RBFOX1: variants seen among roughly 807,000 people sequenced by gnomAD.
RBFOX1 encodes RNA binding fox-1 homolog 1.
In RBFOX1, 8 loss-of-function variants were observed where a neutral mutation model predicts 57.7. The ratio of observed to expected loss-of-function variants is 0.14; its 90% CI spans 0.08 to 0.25. The LOEUF is 0.25. RBFOX1 is among the 10% of genes least tolerant of loss of function. The pLI, the probability that RBFOX1 is intolerant of heterozygous loss-of-function variation, is 1.00. For missense variants in RBFOX1, 611 were observed against 548.5 expected (o/e 1.11, Z -1.14); for synonymous variants, 326 against 222.4 (o/e 1.47, Z -4.15).
chr16:5,909,080 C>G (rs1364444391), intron 4 of RBFOX1, among the ~76,000 whole-genome samples: 1 of 135,926 alleles, frequency 7.4e-6, no homozygotes, highest in East Asian at 2.3e-4. Flanking sequence ...CTCCAACAGA[C>G]TAAGCCCCCC....
chr16:7,014,364 C>T (rs1003925489), intron 3 of RBFOX1, among the ~76,000 whole-genome samples: 1 of 151,928 alleles, frequency 6.6e-6, no homozygotes, highest in African/African-American at 2.4e-5. Flanking sequence ...AGTCATGCAT[C>T]ACCACGCCTG....
At chr16:6,562,316 A>G (rs575424418) in intron 2 of RBFOX1, among the ~76,000 whole-genome samples, 14 of 152,366 alleles carry the variant, frequency 9.2e-5, no homozygotes, top group Admixed American at 8.5e-4. Context: ...CAGTCATTGT[A>G]CAGATAAGGC....
At chr16:7,587,412 G>A (rs1460752396) in intron 7 of RBFOX1, 112 bp downstream of exon 7, 2 of 1,162,876 alleles carry the variant, frequency 1.7e-6, no homozygotes, top group African/African-American at 1.6e-5. Flanking sequence ...ATACACTTCA[G>A]TGGGAATTCC....
chr16:5,909,620 C>G (rs554140054), intron 4 of RBFOX1, among the ~76,000 whole-genome samples: 14 of 152,268 alleles, frequency 9.2e-5, no homozygotes, highest in Admixed American at 7.2e-4. Context: ...GAGAGCCTAA[C>G]TCTGTAGCCT....
Position 5,379,628 on chromosome 16 carries a change from C to T in RBFOX1, c.220-87588C>T, listed in dbSNP as rs547259093. Among the ~76,000 whole-genome samples, 5 of 152,288 alleles carry T rather than the reference C, an allele frequency of 3.3e-5. No homozygotes were observed. In the East Asian group the frequency reaches 9.7e-4, roughly 29 times the overall value. On this transcript the variant is annotated intron_variant, in intron 1 of 2. Transcript: ENST00000585867. ...TGGTCTTTGGTGAGTAACTTCCTCT[C>T]CATGAGCTCCAGCCACCAAATCTGA...
intron 4 of RBFOX1, among the ~76,000 whole-genome samples, chr16:5,892,606 A>G (rs781466964): frequency 6.9e-4 from 105 of 152,264 alleles, no homozygotes; most frequent in Admixed American, 1.2e-3. Context: ...TTTGTGAAAC[A>G]GTGAATGGTG....
intron 3 of RBFOX1, among the ~76,000 whole-genome samples, chr16:5,653,887 C>T (rs577904378): frequency 5.9e-5 from 9 of 152,280 alleles, no homozygotes; most frequent in South Asian, 4.1e-4. Flanking sequence ...GGGCTGCTCT[C>T]GGCCCCTGAA....
At chr16:6,986,304 G>T (rs573175404) in intron 3 of RBFOX1, among the ~76,000 whole-genome samples, 1 of 151,956 alleles carries the variant, frequency 6.6e-6, no homozygotes, top group African/African-American at 2.4e-5. Flanking sequence ...GGGTTCAAGC[G>T]ACTCTTGCCT....
chr16:6,329,172 A>G (rs1489500015), intron 2 of RBFOX1, among the ~76,000 whole-genome samples: 3 of 152,176 alleles, frequency 2.0e-5, no homozygotes, highest in South Asian at 4.2e-4. Context: ...ACCTGACTCC[A>G]TGAAGTGGAA....
At chr16:6,020,787 C>T (rs145287682) in intron 1 of RBFOX1, among the ~76,000 whole-genome samples, 2 of 152,270 alleles carry the variant, frequency 1.3e-5, no homozygotes, top group African/African-American at 2.4e-5. Context: ...ATCTCCCCAC[C>T]GCCCAGGAGG....
intron 14 of RBFOX1, among the ~76,000 whole-genome samples, chr16:7,683,660 TC>T (rs1473396181): frequency 6.6e-6 from 1 of 152,038 alleles, no homozygotes; most frequent in Non-Finnish European, 1.5e-5. Flanking sequence ...ACTTTTTAGG[TC>T]GCAGATCATT....
At chr16:7,400,812 A>G (rs1468402760) in intron 4 of RBFOX1, among the ~76,000 whole-genome samples, 1 of 152,220 alleles carries the variant, frequency 6.6e-6, no homozygotes, top group Non-Finnish European at 1.5e-5. Flanking sequence ...AGGAGGAGTC[A>G]GTGTCCACAA....
intron 3 of RBFOX1, among the ~76,000 whole-genome samples, chr16:5,634,545 C>G (rs1245663882): frequency 6.6e-6 from 1 of 152,154 alleles, no homozygotes; most frequent in African/African-American, 2.4e-5. Context: ...GGATACATAT[C>G]TATCCCTTCT....
chr16:5,326,251 C>G (rs1039612200), intron 1 of RBFOX1, among the ~76,000 whole-genome samples: 3 of 152,128 alleles, frequency 2.0e-5, no homozygotes, highest in African/African-American at 7.2e-5. Context: ...TTCAGAGAGC[C>G]AATGTGGCTA....
At chr16:6,468,040 G>A (rs888458665) in intron 2 of RBFOX1, among the ~76,000 whole-genome samples, 1 of 152,182 alleles carries the variant, frequency 6.6e-6, no homozygotes, top group Non-Finnish European at 1.5e-5. Context: ...AGGAGAGTCT[G>A]TGTCTCCTGG....
At chr16:7,634,051 C>T (rs769842453) in intron 11 of RBFOX1, among the ~76,000 whole-genome samples, 1 of 152,156 alleles carries the variant, frequency 6.6e-6, no homozygotes, top group Non-Finnish European at 1.5e-5. Context: ...TTTTCTTCTC[C>T]CAACAGTTTC....
chr16:6,306,816 C>T (rs747527039), intron 1 of RBFOX1, among the ~76,000 whole-genome samples: 1 of 152,148 alleles, frequency 6.6e-6, no homozygotes, highest in Non-Finnish European at 1.5e-5. Flanking sequence ...CTATGCCTTG[C>T]ACTCAGTACC....
rs546189021 is a variant in RBFOX1, at chr16:5,919,346, A to AT, written c.351+52019dup. ...GCTGTTGTTTTAATTGCATTTTTAA[A>AT]TTTTTTTTATTTTGAGACGGAGTTT... On this transcript the variant is annotated intron_variant, in intron 4 of 19. Coordinates refer to the RBFOX1 transcript ENST00000641259. Among the ~76,000 whole-genome samples the AT allele has an allele frequency of 1.6e-3, 245 of 152,122 alleles. No homozygotes were observed. In the East Asian group the frequency reaches 0.02, roughly 12 times the overall value.
At chr16:6,093,104 T>C (rs905437277) in intron 1 of RBFOX1, 8 of 152,220 alleles carry the variant, frequency 5.3e-5, no homozygotes, top group African/African-American at 1.9e-4. Flanking sequence ...TGCTTCATTT[T>C]GCAAGAAAAC....
Sources: allele counts gnomAD v4.1 joint callset (sites outside exome capture counted in the v4.1 genomes callset), GRCh38; gene constraint gnomAD v4.1.1; transcripts MANE v1.5; gene names NCBI Gene and HGNC (gene_info 2026-07-23, HGNC 2026-07-21).